The following CATSPERE variants were observed in gnomAD, a reference collection of about 807,000 sequenced individuals.
CATSPERE encodes catsper channel auxiliary subunit epsilon.
In CATSPERE, 93 loss-of-function variants were observed where a neutral mutation model predicts 114.1. That is an observed-to-expected ratio of 0.81 (90% CI 0.69 to 0.97). The LOEUF is 0.97. Among genes scored for constraint, CATSPERE ranks in the 50% least tolerant of loss-of-function variants. The pLI is 0.00. For synonymous variants in CATSPERE, 341 were observed against 384.1 expected, an observed-to-expected ratio of 0.89 and a Z score of 1.31; for missense variants, 1,058 against 1,131.6, an observed-to-expected ratio of 0.93 and a Z score of 0.93.
At chr1:244,610,526 A>G in intron 19 of CATSPERE, 200 bp downstream of exon 19, 1 of 670,910 alleles carries the variant, frequency 1.5e-6, no homozygotes, top group Non-Finnish European at 2.7e-6. Flanking sequence ...GTTCTGTGTT[A>G]CTATTTTAAT....
intron 20 of CATSPERE, among the ~76,000 whole-genome samples, chr1:244,629,292 G>C (rs1184901418): frequency 6.6e-6 from 1 of 152,036 alleles, no homozygotes; most frequent in Non-Finnish European, 1.5e-5. Flanking sequence ...TTTTCACCCT[G>C]GACCTCATTC....
chr1:244,490,906 G>A (rs1034911156), intron 6 of CATSPERE, among the ~76,000 whole-genome samples: 1 of 151,888 alleles, frequency 6.6e-6, no homozygotes, highest in Non-Finnish European at 1.5e-5. Context: ...ATCTTTAAAT[G>A]TTCTCAATTT....
At chr1:244,598,329 A>T (rs1668715368) in intron 17 of CATSPERE, 1 of 152,816 alleles carries the variant, frequency 6.5e-6, no homozygotes, top group African/African-American at 2.4e-5. Context: ...CCAGTCATAC[A>T]TGACCTGAAC....
At chr1:244,624,128 A>ATTTTTTTTTTTTTTTTTTTTTTTT (rs58744339) in intron 20 of CATSPERE, among the ~76,000 whole-genome samples, 1 of 125,944 alleles carries the variant, frequency 7.9e-6, no homozygotes. Context: ...TGCCCAGCTA[A>ATTTTTTTTTTTTTTTTTTTTTTTT]TTTTTTTTTT....
chr1:244,502,497 C>CTGTGTATA (rs1674206899), intron 7 of CATSPERE, among the ~76,000 whole-genome samples: 2 of 152,038 alleles, frequency 1.3e-5, no homozygotes, highest in Admixed American at 6.6e-5. Flanking sequence ...TTTGTTCTGC[C>CTGTGTATA]TGTGTATATT....
At position 244,479,547 on chromosome 1, in the gene CATSPERE, T is replaced by C. The variant is rs536975333; in HGVS notation, c.259-170T>C. ...ACAAATGTAATAAAAATGATAAAGA[T>C]GGCAATATATAAATATTTAAATATA... is the stretch of plus-strand genomic sequence containing the variant. On this transcript the variant is annotated intron_variant, in intron 4 of 21. Transcript: ENST00000366534. Among the ~76,000 whole-genome samples the C allele has an allele frequency of 1.5e-4, 23 of 152,322 alleles. No individual in the cohort carries two copies. The South Asian group carries it at 3.9e-3, about 26-fold the overall frequency.
chr1:244,560,525 A>G (rs1662391929), intron 9 of CATSPERE, 143 bp from the exon 10 acceptor site: 1 of 444,050 alleles, frequency 2.3e-6, no homozygotes, highest in East Asian at 3.8e-5. Context: ...GAACTTATTC[A>G]TATAACACCA....
intron 7 of CATSPERE, among the ~76,000 whole-genome samples, chr1:244,511,116 T>C (rs1675686361): frequency 6.6e-6 from 1 of 152,192 alleles, no homozygotes; most frequent in Non-Finnish European, 1.5e-5. Context: ...GTGCTGGGAT[T>C]ACAGGCATGA....
chr1:244,553,600 A>ACACACACACACACACACACATAT (rs775040459), intron 9 of CATSPERE, among the ~76,000 whole-genome samples: 1 of 32,578 alleles, frequency 3.1e-5, no homozygotes, highest in African/African-American at 1.1e-4. Context: ...AAAAAAAAAA[A>ACACACACACACACACACACATAT]ATACACACAC....
chr1:244,526,038 CTGCACTCAATGTGAGAAAGGCAGG>C (rs1395481993), intron 8 of CATSPERE, among the ~76,000 whole-genome samples: 2 of 152,150 alleles, frequency 1.3e-5, no homozygotes, highest in Non-Finnish European at 2.9e-5. Flanking sequence ...CAGCACAAGT[CTGCACTCAATGTGAGAAAGGCAGG>C]TGACAGTGAG....
intron 1 of CATSPERE, among the ~76,000 whole-genome samples, chr1:244,462,101 A>T (rs935669720): frequency 2.0e-5 from 3 of 152,124 alleles, no homozygotes; most frequent in Admixed American, 2.0e-4. Flanking sequence ...ACAGACTATG[A>T]GCTCTGAGCC....
intron 8 of CATSPERE, among the ~76,000 whole-genome samples, chr1:244,522,606 A>ATTTTT: frequency 6.6e-6 from 1 of 152,204 alleles, no homozygotes; most frequent in South Asian, 2.1e-4. Flanking sequence ...ATAAAGAAAA[A>ATTTTT]AAGAGAGAAG....
At chr1:244,539,907 A>G (rs1658338107) in intron 8 of CATSPERE, among the ~76,000 whole-genome samples, 2 of 136,296 alleles carry the variant, frequency 1.5e-5, no homozygotes, top group African/African-American at 2.7e-5. Context: ...AATTTTGTTG[A>G]TCCTTTCAAA....
intron 18 of CATSPERE, among the ~76,000 whole-genome samples, chr1:244,606,925 A>G (rs1169759176): frequency 6.6e-6 from 1 of 151,968 alleles, no homozygotes; most frequent in Non-Finnish European, 1.5e-5. Context: ...TATGTAACCA[A>G]ATACATCCGT....
At chr1:244,537,077 T>C (rs1281910337) in intron 8 of CATSPERE, among the ~76,000 whole-genome samples, 1 of 152,206 alleles carries the variant, frequency 6.6e-6, no homozygotes, top group Admixed American at 6.5e-5. Flanking sequence ...CAGTGCTAAG[T>C]TGAGTAGAAA....
Position 244,552,631 on chromosome 1 carries a change from T to A in CATSPERE, c.846T>A (p.Asp282Glu). The change falls in exon 9 of 22, where the codon GAT (aspartate) becomes GAA (glutamate). Residue 282 changes from aspartate (D) to glutamate (E), a missense_variant. Around this residue, in one of 2 missense-constraint regions of CATSPERE, gnomAD observed 787 missense variants for 905.6 expected, o/e 0.87. Coordinates refer to ENST00000366534, the MANE Select transcript of CATSPERE (RefSeq NM_001130957.2). ...IRVPPDILSD[D>E]ERRSVAHVIL... is the part of the protein sequence containing the mutation. ...TGCCTCCAGACATTCTGAGTGATGA[T>A]GAAAGACGGAGTGTGGCTCATGTGA... The A allele has an allele frequency of 1.2e-6, 2 of 1,614,162 alleles. No individual in the cohort carries two copies. Among genetic ancestry groups the A allele is most frequent in the Non-Finnish European group, 8.5e-7 (1 of 1,180,020 alleles).
chr1:244,590,034 G>T (rs950355729), intron 14 of CATSPERE, among the ~76,000 whole-genome samples: 3 of 152,156 alleles, frequency 2.0e-5, no homozygotes, highest in African/African-American at 7.2e-5. Context: ...ACTTGTCAAT[G>T]AAGGAGAGTT....
intron 6 of CATSPERE, among the ~76,000 whole-genome samples, chr1:244,494,984 TAA>T (rs1464387351): frequency 6.6e-6 from 1 of 152,122 alleles, no homozygotes; most frequent in Admixed American, 6.5e-5. Context: ...ATAGAAAATA[TAA>T]GAGAACTTAC....
At chr1:244,461,744 C>A (rs945707464) in intron 1 of CATSPERE, among the ~76,000 whole-genome samples, 1 of 152,178 alleles carries the variant, frequency 6.6e-6, no homozygotes, top group Non-Finnish European at 1.5e-5. Flanking sequence ...GGTCGCAGTA[C>A]CTTCATGCTG....
Sources: allele counts gnomAD v4.1 joint callset (sites outside exome capture counted in the v4.1 genomes callset), GRCh38; gene constraint gnomAD v4.1.1; regional missense constraint gnomAD v4.1.1; transcripts MANE v1.5; gene names NCBI Gene and HGNC (gene_info 2026-07-23, HGNC 2026-07-21).